Variants in ASIC1 observed in about 807,000 individuals in gnomAD.
ASIC1 encodes the protein acid sensing ion channel subunit 1, also known as acid-sensing ion channel 1.
ASIC1 carries 21 observed loss-of-function variants against 63.4 expected under a neutral mutation model. The ratio of observed to expected loss-of-function variants is 0.33; its 90% CI spans 0.23 to 0.48. The LOEUF (loss-of-function observed/expected upper bound fraction) is 0.48. Ranked by LOEUF, ASIC1 falls within the 20% of genes least tolerant of loss-of-function variation. The probability of loss-of-function intolerance (pLI) is 0.99; values close to 1 mark genes in which losing one functional copy is unlikely to be tolerated. For synonymous variants in ASIC1, 258 were observed against 278.2 expected (o/e 0.93, Z 0.72); for missense variants, 478 against 695.5 (o/e 0.69, Z 3.52).
rs1950472107 is a variant in ASIC1 at position 50,058,826 on chromosome 12, C to T, written c.60C>T (p.Ala20=). 2 of 1,607,882 alleles carry T rather than the reference C, an allele frequency of 1.2e-6. No homozygotes were observed. The highest frequency in any genetic ancestry group is 1.1e-5 in the South Asian group (1 of 90,876). The stretch of plus-strand genomic sequence containing the variant: ...GCGTCCAGCCGGTGAGCATCCAGGC[C>T]TTCGCCAGCAGCTCCACACTGCACG... ...VGGVQPVSIQ[A]FASSSTLHGL... is the part of the protein sequence containing the mutation. The change falls in exon 2 of 12, where the codon GCC becomes GCT. Residue 20 remains alanine, a synonymous_variant. Coordinates refer to ENST00000447966, the MANE Select transcript of ASIC1 (RefSeq NM_001095.4).
chr12:50,059,966 C>T lies in ASIC1; in HGVS notation c.558+12C>T, dbSNP rs770495850. 2.3e-4 allele frequency: 369 copies of T among 1,612,244 alleles called. No homozygotes were observed. The highest frequency in any genetic ancestry group is 3.0e-4 in the Non-Finnish European group (354 of 1,179,150). On this transcript the variant is annotated intron_variant, in intron 3 of 11. Coordinates refer to ENST00000447966, the MANE Select transcript of ASIC1 (RefSeq NM_001095.4). The surrounding 1 kb of genome is among the most constrained non-coding windows in gnomAD (Gnocchi z 4.6). Reference sequence around the variant, plus strand: ...AAGACTTCAAGGTGGTGAGTCCCCTCGTGTGGGGTGTGAGTCAGCCTGGCC... The same window carrying T: ...AAGACTTCAAGGTGGTGAGTCCCCTTGTGTGGGGTGTGAGTCAGCCTGGCC...
At chr12:50,072,521 G>A (rs960446545) in intron 3 of ASIC1, among the ~76,000 whole-genome samples, 28 of 152,130 alleles carry the variant, frequency 1.8e-4, no homozygotes, top group African/African-American at 6.8e-4. Flanking sequence ...GGTTTTGGTG[G>A]GAACCCCAAG....
chr12:50,063,845 G>A (rs1476035594), intron 3 of ASIC1, among the ~76,000 whole-genome samples: 3 of 152,204 alleles, frequency 2.0e-5, no homozygotes, highest in South Asian at 2.1e-4. Flanking sequence ...GGACTAGCAT[G>A]GAGTTTATTC....
At chr12:50,072,337 C>G (rs1000134173) in intron 3 of ASIC1, among the ~76,000 whole-genome samples, 2 of 152,206 alleles carry the variant, frequency 1.3e-5, no homozygotes, top group African/African-American at 4.8e-5. Context: ...CGCTTCCCCT[C>G]CTCCCCTCGG....
chr12:50,071,100 G>A (rs1046916882), intron 3 of ASIC1, among the ~76,000 whole-genome samples: 6 of 152,110 alleles, frequency 3.9e-5, no homozygotes, highest in African/African-American at 1.4e-4. Flanking sequence ...GTGGAGTCGG[G>A]AGGATTCTTG....
At position 50,080,417 on chromosome 12, in the gene ASIC1, G is replaced by A. The variant is rs551187337; in HGVS notation, c.1206-81G>A. ...GATATGGAAACTGAGATTCAGAGAG[G>A]CTGCCTTGCCAAGGTCACCTGGTTA... is the stretch of plus-strand genomic sequence containing the variant. On this transcript the variant is annotated intron_variant, in intron 8 of 11. Transcript: ENST00000447966. 1.7e-5 allele frequency: 23 copies of A among 1,337,708 alleles called. No individual in the cohort carries two copies. The African/African-American group carries it at 3.2e-4, about 18-fold the overall frequency. The allele number at this position is 1,337,708 out of a possible 1,614,324, so 82.9% of individuals were successfully genotyped here. A position where few individuals can be genotyped will look rare whatever the true frequency, so the allele number is the denominator to read the frequency against.
intron 3 of ASIC1, among the ~76,000 whole-genome samples, chr12:50,072,838 A>G (rs1377660749): frequency 6.6e-6 from 1 of 151,952 alleles, no homozygotes; most frequent in Non-Finnish European, 1.5e-5. Context: ...ACCAAAATAC[A>G]TCTCAGCATA....
In ASIC1 at chr12:50,078,381, A is replaced by G. The variant is rs1319396259; in HGVS notation, c.838-40A>G. 1.9e-6 allele frequency: 3 copies of G among 1,608,196 alleles called. No individual in the cohort carries two copies. The East Asian group carries it at 6.7e-5, about 36-fold the overall frequency. ...GAGTCCATCAAGCTGATTTGGGGAG[A>G]AGTCCCCGCACTCCCCCAGCTCCCC... is the stretch of plus-strand genomic sequence containing the variant. On this transcript the variant is annotated intron_variant, in intron 5 of 11. Coordinates refer to ENST00000447966, the MANE Select transcript of ASIC1 (RefSeq NM_001095.4). This position sits in a 1 kb window ranked among gnomAD's most constrained non-coding sequence, Gnocchi z 6.0.
Position 50,059,695 on chromosome 12 carries a change from C to T in ASIC1, c.363-64C>T. ...CAGGGCTGGAGGCTGCCCCCATCAC[C>T]CAAGTTGGGTGCAGGACACTGATGA... On this transcript the variant is annotated intron_variant, in intron 2 of 11. Coordinates refer to ENST00000447966, the MANE Select transcript of ASIC1 (RefSeq NM_001095.4). The surrounding 1 kb of genome is among the most constrained non-coding windows in gnomAD (Gnocchi z 4.6). 6.5e-7 allele frequency: 1 copy of T among 1,540,910 alleles called. No homozygotes were observed.
At chr12:50,079,275 A>G (rs1407985106) in intron 7 of ASIC1, among the ~76,000 whole-genome samples, 1 of 152,102 alleles carries the variant, frequency 6.6e-6, no homozygotes, top group East Asian at 1.9e-4. Flanking sequence ...TTATGTGGGC[A>G]TGGTGGCATG....
intron 3 of ASIC1, among the ~76,000 whole-genome samples, chr12:50,067,676 C>T (rs1240383674): frequency 6.6e-6 from 1 of 152,202 alleles, no homozygotes; most frequent in African/African-American, 2.4e-5. Flanking sequence ...GTCTCGGCCT[C>T]CCGGAGTGCT....
In ASIC1 at chr12:50,057,748, C is replaced by G. The variant is rs984959478; in HGVS notation, c.-185C>G. 1.3e-5 allele frequency: 2 copies of G among 150,506 alleles called. No individual in the cohort carries two copies. The highest frequency in any genetic ancestry group is 3.0e-5 in the Non-Finnish European group (2 of 67,544). The allele number at this position is 150,506 out of a possible 1,614,324, so 9.3% of individuals were successfully genotyped here. On this transcript the variant is annotated 5_prime_UTR_variant, in exon 1 of 12. Coordinates refer to ENST00000447966, the MANE Select transcript of ASIC1 (RefSeq NM_001095.4). This position sits in a 1 kb window ranked among gnomAD's most constrained non-coding sequence, Gnocchi z 4.7. ...CGCGGGCGGGCGGACAGATCGGAGCCGAGCGGGGCCGGGCGGGGCGCTCCC... is the reference window on the plus strand; with the variant it reads ...CGCGGGCGGGCGGACAGATCGGAGCGGAGCGGGGCCGGGCGGGGCGCTCCC...
At chr12:50,079,061 C>G (rs1458865134) in intron 7 of ASIC1, 81 bp downstream of exon 7, 20 of 1,394,040 alleles carry the variant, frequency 1.4e-5, no homozygotes, top group Non-Finnish European at 2.0e-5. Flanking sequence ...AGGTCACGCT[C>G]CCAGAAGCCT....
In ASIC1 at chr12:50,058,764, A is replaced by G; in HGVS notation, c.-3A>G. The G allele has an allele frequency of 6.4e-7, 1 of 1,569,774 alleles. No homozygotes were observed. Among genetic ancestry groups the G allele is most frequent in the African/African-American group, 1.3e-5 (1 of 74,310 alleles). On this transcript the variant is annotated 5_prime_UTR_variant, in exon 2 of 12. Transcript: ENST00000447966. The stretch of plus-strand genomic sequence containing the variant: ...CTCCTCCCCCAGGATCCCCTCAACA[A>G]GGATGGAACTGAAGGCCGAGGAGGA...
At chr12:50,061,753 A>G (rs527765589) in intron 3 of ASIC1, among the ~76,000 whole-genome samples, 2 of 152,328 alleles carry the variant, frequency 1.3e-5, no homozygotes, top group East Asian at 3.9e-4. Flanking sequence ...TCTGTCCATC[A>G]TGTCCAGAAA....
At chr12:50,060,075 G>A (rs748614556) in intron 3 of ASIC1, 121 bp downstream of exon 3, 189 of 1,220,024 alleles carry the variant, frequency 1.5e-4, no homozygotes, top group Non-Finnish European at 2.1e-4. Context: ...TATGTCCTGG[G>A]GTTTGCTTCT....
chr12:50,075,348 GC>G (rs1223743977), intron 3 of ASIC1, among the ~76,000 whole-genome samples: 1 of 152,210 alleles, frequency 6.6e-6, no homozygotes, highest in Admixed American at 6.5e-5. Context: ...TCTCACCCAG[GC>G]CCACCAGGTG....
rs538378825 is a variant in ASIC1 at position 50,073,946 on chromosome 12, C to A, written c.559-3267C>A. On this transcript the variant is annotated intron_variant, in intron 3 of 11. Transcript: ENST00000447966. ...TATTACCTCAGCTACCCACACGTGA[C>A]CCTTCTAAACGAAGTGGCCACCACG... 6.5e-6 allele frequency: 10 copies of A among 1,535,898 alleles called. No homozygotes were observed. The South Asian group carries it at 1.1e-4, about 16-fold the overall frequency.
chr12:50,073,520 C>T (rs1004536161), intron 3 of ASIC1: 2 of 1,447,832 alleles, frequency 1.4e-6, no homozygotes, highest in Non-Finnish European at 1.8e-6. Context: ...GTCACATCGC[C>T]TTCCCCTCTG....
Sources: allele counts gnomAD v4.1 joint callset (sites outside exome capture counted in the v4.1 genomes callset), GRCh38; gene constraint gnomAD v4.1.1; non-coding constraint Gnocchi (gnomAD v3.1); transcripts MANE v1.5; gene names NCBI Gene and HGNC (gene_info 2026-07-23, HGNC 2026-07-21).